The following ADARB2 variants were observed in gnomAD, a reference collection of about 807,000 sequenced individuals.
The protein encoded by ADARB2 is inactive double-stranded RNA-specific editase B2.
In ADARB2, 25 loss-of-function variants were observed where a neutral mutation model predicts 62.2. That is an observed-to-expected ratio of 0.40 (90% confidence interval 0.29 to 0.56). The LOEUF (loss-of-function observed/expected upper bound fraction) is 0.56. ADARB2 is among the 20% of genes least tolerant of loss of function. The probability of loss-of-function intolerance (pLI) is 0.43; values close to 1 mark genes in which losing one functional copy is unlikely to be tolerated. For synonymous variants in ADARB2, 572 were observed against 500.8 expected (o/e 1.14, Z -1.90); for missense variants, 1,071 against 1,077.4 (o/e 0.99, Z 0.08).
chr10:1,530,197 T>G (rs1832212112), intron 1 of ADARB2, among the ~76,000 whole-genome samples: 1 of 152,236 alleles, frequency 6.6e-6, no homozygotes, highest in South Asian at 2.1e-4. Context: ...TGCTATGGGA[T>G]GTGGAGCATG....
chr10:1,414,393 C>A (rs1832784770), intron 1 of ADARB2, among the ~76,000 whole-genome samples: 4 of 152,368 alleles, frequency 2.6e-5, no homozygotes, highest in South Asian at 4.1e-4. Context: ...GTACCGTAAT[C>A]TAAGCCCAGG....
At chr10:1,309,400 T>C (rs2131821950) in intron 3 of ADARB2, among the ~76,000 whole-genome samples, 1 of 152,338 alleles carries the variant, frequency 6.6e-6, no homozygotes, top group Middle Eastern at 3.4e-3. Context: ...CAGCCGGGCA[T>C]GCACTGGCAG....
intron 2 of ADARB2, among the ~76,000 whole-genome samples, chr10:1,373,168 C>T (rs906163516): frequency 6.6e-6 from 1 of 152,046 alleles, no homozygotes; most frequent in African/African-American, 2.4e-5. Flanking sequence ...AAACAGATCC[C>T]GACTTGACAA....
chr10:1,402,028 A>C (rs1246639286), intron 1 of ADARB2, among the ~76,000 whole-genome samples: 1 of 152,150 alleles, frequency 6.6e-6, no homozygotes, highest in Non-Finnish European at 1.5e-5. Flanking sequence ...ATGACCTTGG[A>C]ACTCGATTTT....
At chr10:1,693,455 G>A (rs1834698989) in intron 1 of ADARB2, among the ~76,000 whole-genome samples, 1 of 152,150 alleles carries the variant, frequency 6.6e-6, no homozygotes, top group African/African-American at 2.4e-5. Flanking sequence ...TCCTCATATA[G>A]TAAAAGGATA....
At position 1,331,946 on chromosome 10, in the gene ADARB2, G is replaced by A. The variant is rs7073733; in HGVS notation, c.1077+31082C>T. ...TTTCCTTCCCCATGGTATGGTGGTG[G>A]CTATTTGAACAGTTTGGGAAATTTT... On this transcript the variant is annotated intron_variant, in intron 3 of 9. Coordinates refer to ENST00000381312, the MANE Select transcript of ADARB2 (RefSeq NM_018702.4). Among the ~76,000 whole-genome samples, 724 of 152,306 alleles carry A rather than the reference G, an allele frequency of 4.8e-3. 5 individuals are homozygous for A. The highest frequency in any genetic ancestry group is 0.015 in the African/African-American group (603 of 41,548).
At chr10:1,223,156 G>A (rs1350780685) in intron 6 of ADARB2, among the ~76,000 whole-genome samples, 4 of 152,054 alleles carry the variant, frequency 2.6e-5, no homozygotes, top group Non-Finnish European at 5.9e-5. Flanking sequence ...GGATTCCTAG[G>A]TATTTTATTC....
chr10:1,184,877 G>T lies in ADARB2; in HGVS notation c.2027C>A (p.Ala676Glu), dbSNP rs753353463. 1.2e-6 allele frequency: 2 copies of T among 1,613,348 alleles called. No individual in the cohort carries two copies. ...LCKHVLSARW[A>E]RLYGRLSTRT... is the part of the protein sequence containing the mutation. ...GCGACCTACCCTGCCATACAGCCGC[G>T]CCCACCGTGCAGACAGCACGTGCTT... Residue 676 changes from alanine to glutamate, a missense_variant, in exon 9 of 10, where the codon GCG becomes GAG. Transcript: ENST00000381312.
rs1199622896 is a variant in ADARB2 at position 1,373,843 on chromosome 10, A to G, written c.187+5231T>C. ...GGACTCCGCGCACCCTTCCTAGTGAAACCGCGTGGGCTCCGCGCACCCTTC... is the reference window on the plus strand; with the variant it reads ...GGACTCCGCGCACCCTTCCTAGTGAGACCGCGTGGGCTCCGCGCACCCTTC... On this transcript the variant is annotated intron_variant, in intron 2 of 9. Coordinates refer to ENST00000381312, the MANE Select transcript of ADARB2 (RefSeq NM_018702.4). Among the ~76,000 whole-genome samples the G allele has an allele frequency of 7.9e-3, 965 of 122,880 alleles. 5 individuals carry two copies. Among genetic ancestry groups the G allele is most frequent in the East Asian group, 0.023 (51 of 2,254 alleles). 80.6% of individuals were successfully genotyped at this position (122,880 alleles called of 152,430 possible). A position where few individuals can be genotyped will look rare whatever the true frequency, so the allele number is the denominator to read the frequency against.
At chr10:1,416,458 G>C (rs927620261) in intron 1 of ADARB2, among the ~76,000 whole-genome samples, 1 of 152,228 alleles carries the variant, frequency 6.6e-6, no homozygotes, top group Non-Finnish European at 1.5e-5. Flanking sequence ...GTCAGCACAG[G>C]AGGCCCAGAG....
rs149068450 is a variant in ADARB2, at chr10:1,564,981, C to T, written c.100+172070G>A. On this transcript the variant is annotated intron_variant, in intron 1 of 9. Transcript: ENST00000381312. ...ATTCAGGCCTGGCCTCGGCCGTAGA[C>T]CTGCATCCCACCTGGCCTGGGGGCC... Among the ~76,000 whole-genome samples the T allele has an allele frequency of 3.3e-4, 50 of 152,312 alleles. 2 individuals carry two copies. In the East Asian group the frequency reaches 9.1e-3, roughly 28 times the overall value.
chr10:1,285,358 G>A (rs1831403583), intron 3 of ADARB2, among the ~76,000 whole-genome samples: 1 of 152,118 alleles, frequency 6.6e-6, no homozygotes, highest in African/African-American at 2.4e-5. Context: ...GGTGGTAGGT[G>A]GGACTGGGTG....
At chr10:1,280,988 G>A (rs1003461523) in intron 3 of ADARB2, among the ~76,000 whole-genome samples, 2 of 152,184 alleles carry the variant, frequency 1.3e-5, no homozygotes, top group East Asian at 1.9e-4. Context: ...CGTGGGTTAC[G>A]GCAACAATGT....
chr10:1,406,021 A>G (rs1832705539), intron 1 of ADARB2, among the ~76,000 whole-genome samples: 1 of 152,210 alleles, frequency 6.6e-6, no homozygotes, highest in Non-Finnish European at 1.5e-5. Flanking sequence ...CCATTTATTA[A>G]ACCCTTCGCC....
intron 4 of ADARB2, among the ~76,000 whole-genome samples, chr10:1,246,042 A>C (rs867747272): frequency 0.029 from 4,322 of 151,538 alleles, 198 homozygotes; most frequent in African/African-American, 0.098. Context: ...AACTGGTGTG[A>C]GATGGTATCT....
intron 1 of ADARB2, among the ~76,000 whole-genome samples, chr10:1,653,554 C>CCG (rs1305524410): frequency 4.2e-4 from 63 of 151,422 alleles, no homozygotes; most frequent in African/African-American, 1.5e-3. Flanking sequence ...GCCTGCAGAG[C>CCG]CACAGTCTCC....
chr10:1,333,437 G>A (rs549168676), intron 3 of ADARB2, among the ~76,000 whole-genome samples: 1 of 152,218 alleles, frequency 6.6e-6, no homozygotes, highest in South Asian at 2.1e-4. Flanking sequence ...ATCCTGAGTT[G>A]GGCTCCCAGG....
At chr10:1,268,426 T>A (rs1411806390) in intron 4 of ADARB2, among the ~76,000 whole-genome samples, 1 of 152,226 alleles carries the variant, frequency 6.6e-6, no homozygotes, top group East Asian at 1.9e-4. Flanking sequence ...TGGTCTCTGA[T>A]TCATAAACAG....
chr10:1,270,855 G>T, intron 4 of ADARB2, 100 bp downstream of exon 4: 1 of 998,664 alleles, frequency 1.0e-6, no homozygotes, highest in Non-Finnish European at 1.5e-6. Context: ...GTCACAGCCT[G>T]TTGTGGAAGA....
Sources: allele counts gnomAD v4.1 joint callset (sites outside exome capture counted in the v4.1 genomes callset), GRCh38; gene constraint gnomAD v4.1.1; transcripts MANE v1.5; gene names NCBI Gene and HGNC (gene_info 2026-07-23, HGNC 2026-07-21).